The following CERS4 variants were observed in gnomAD, a reference collection of about 807,000 sequenced individuals.
CERS4 encodes the protein LAG1 homolog, ceramide synthase 4.
CERS4 carries 65 observed loss-of-function variants against 51.8 expected under a neutral mutation model. That is an observed-to-expected ratio of 1.26 (90% CI 1.03 to 1.54). The LOEUF (loss-of-function observed/expected upper bound fraction) is 1.54, where lower values mean the gene tolerates loss of function less well. Among genes scored for constraint, CERS4 ranks in the 40% most tolerant of loss-of-function variants. The probability of loss-of-function intolerance (pLI) is 0.00; values close to 1 mark genes in which losing one functional copy is unlikely to be tolerated. For missense variants in CERS4, 563 were observed against 500.4 expected (o/e 1.13, Z -1.19); for synonymous variants, 228 against 208.4 (o/e 1.09, Z -0.81).
At position 8,261,946 on chromosome 19, in the gene CERS4, G is replaced by A. The variant is rs745502911; in HGVS notation, c.1022G>A (p.Arg341His). 6.8e-6 allele frequency: 11 copies of A among 1,608,108 alleles called. No individual in the cohort carries two copies. The highest frequency in any genetic ancestry group is 1.1e-5 in the South Asian group (1 of 90,576). The change falls in exon 12 of 12, where the codon CGT (arginine) becomes CAT (histidine). Residue 341 changes from arginine to histidine, a missense_variant. Coordinates refer to ENST00000251363, the MANE Select transcript of CERS4 (RefSeq NM_024552.3). ...GTTCCCCAGATGGAGAAGGACATTC[G>A]TAGTGATGTAGAAGAATCAGACTCC... ...MKKGQMEKDIRSDVEESDSSE... is the reference protein window; with the variant it reads ...MKKGQMEKDIHSDVEESDSSE...
Position 8,254,759 on chromosome 19 carries a change from C to T in CERS4, c.291+143C>T, listed in dbSNP as rs1969284265. 1.0e-5 allele frequency: 7 copies of T among 703,008 alleles called. No homozygotes were observed. In the East Asian group the frequency reaches 1.1e-4, roughly 11 times the overall value. The allele number at this position is 703,008 out of a possible 1,614,324, so 43.5% of individuals were successfully genotyped here. Reference sequence around the variant, plus strand: ...ATGCCCCTACTTTCCACTCTTCATCCTCAATTCCCTGGGAAAGGGCTCTAC... The same window carrying T: ...ATGCCCCTACTTTCCACTCTTCATCTTCAATTCCCTGGGAAAGGGCTCTAC... On this transcript the variant is annotated intron_variant, in intron 4 of 11. Transcript: ENST00000251363.
intron 2 of CERS4, among the ~76,000 whole-genome samples, chr19:8,211,847 G>A (rs1306845808): frequency 6.8e-5 from 10 of 146,772 alleles, no homozygotes; most frequent in South Asian, 2.2e-4. Context: ...AGCCGAGATC[G>A]CGCCACTGCA....
intron 4 of CERS4, 76 bp downstream of exon 4, chr19:8,254,692 G>A (rs1969279921): frequency 1.5e-6 from 2 of 1,356,062 alleles, no homozygotes; most frequent in Admixed American, 2.0e-5. Flanking sequence ...TGGCCCATTT[G>A]TTGGGGCAGG....
intron 2 of CERS4, among the ~76,000 whole-genome samples, chr19:8,248,296 C>G (rs1599570032): frequency 6.6e-6 from 1 of 152,148 alleles, no homozygotes; most frequent in African/African-American, 2.4e-5. Context: ...TGGAGAATAT[C>G]TCTTGCCTGG....
chr19:8,218,955 C>T (rs942592953), intron 2 of CERS4, among the ~76,000 whole-genome samples: 2 of 152,116 alleles, frequency 1.3e-5, no homozygotes, highest in East Asian at 3.9e-4. Context: ...GCCTGTAATC[C>T]CAGCACTTTG....
intron 2 of CERS4, among the ~76,000 whole-genome samples, chr19:8,232,431 C>G (rs1968051466): frequency 6.6e-6 from 1 of 152,040 alleles, no homozygotes; most frequent in South Asian, 2.1e-4. Flanking sequence ...GCTGGGATTA[C>G]AGGCACGTGC....
At chr19:8,239,147 A>C (rs1188435239) in intron 2 of CERS4, among the ~76,000 whole-genome samples, 6 of 151,886 alleles carry the variant, frequency 4.0e-5, no homozygotes, top group Non-Finnish European at 8.8e-5. Context: ...CACACCTGTA[A>C]TCCCAGCACT....
chr19:8,257,834 C>T (rs943740237), intron 9 of CERS4, 45 bp from the exon 10 acceptor site: 2 of 1,487,718 alleles, frequency 1.3e-6, no homozygotes, highest in East Asian at 2.3e-5. Context: ...TCTTTGAGAC[C>T]AGGGCCCTGG....
In CERS4 at chr19:8,251,180, A is replaced by C. The variant is rs1599576993; in HGVS notation, c.104A>C (p.His35Pro). ...LEDRDGRVYP[H>P]PQDLLAALPL... ...GACCGGGATGGCCGTGTCTACCCCC[A>C]CCCCCAGGACTTGTTGGCAGCCCTG... The change falls in exon 3 of 12, where the codon CAC (histidine) becomes CCC (proline). Residue 35 changes from histidine (H) to proline (P), a missense_variant. By Grantham distance (77) the His-to-Pro change is moderately conservative. Coordinates refer to ENST00000251363, the MANE Select transcript of CERS4 (RefSeq NM_024552.3). 3 of 1,611,498 alleles carry C rather than the reference A, an allele frequency of 1.9e-6. No individual in the cohort carries two copies. The highest frequency in any genetic ancestry group is 1.3e-5 in the African/African-American group (1 of 74,430).
intron 3 of CERS4, among the ~76,000 whole-genome samples, chr19:8,253,902 G>A (rs905315049): frequency 3.3e-5 from 5 of 152,010 alleles, no homozygotes; most frequent in African/African-American, 9.7e-5. Flanking sequence ...TTGGTCTAAC[G>A]CAGCAGCCAG....
At chr19:8,211,576 C>T (rs1233743807) in intron 2 of CERS4, among the ~76,000 whole-genome samples, 1 of 152,136 alleles carries the variant, frequency 6.6e-6, no homozygotes, top group Non-Finnish European at 1.5e-5. Flanking sequence ...ACGAGAATAT[C>T]ACAGAGCTGG....
chr19:8,213,692 G>A (rs982886828), intron 2 of CERS4, among the ~76,000 whole-genome samples: 3 of 152,042 alleles, frequency 2.0e-5, no homozygotes, highest in East Asian at 1.9e-4. Flanking sequence ...GAGGCCCGGC[G>A]CGGTGGCTCA....
chr19:8,231,441 T>C (rs1275844968), intron 2 of CERS4, among the ~76,000 whole-genome samples: 2 of 152,190 alleles, frequency 1.3e-5, no homozygotes, highest in Non-Finnish European at 2.9e-5. Context: ...TCTGTTAGCC[T>C]CAGCAAGGCT....
rs377079295 is a variant in CERS4 at position 8,247,733 on chromosome 19, T to TC, written c.-1-3343_-1-3342insC. Reference sequence around the variant, plus strand: ...CTTTGCCTGGCCTGACCTCCGCATCTTTTTTTTTTTTTTTTTTTAAGATGG... The same window carrying TC: ...CTTTGCCTGGCCTGACCTCCGCATCTCTTTTTTTTTTTTTTTTTTAAGATGG... On this transcript the variant is annotated intron_variant, in intron 2 of 11. Transcript: ENST00000251363. Among the ~76,000 whole-genome samples the TC allele has an allele frequency of 2.7e-3, 68 of 25,252 alleles. 1 individual carries two copies. The highest frequency in any genetic ancestry group is 0.011 in the East Asian group (8 of 746). 16.6% of individuals were successfully genotyped at this position (25,252 alleles called of 152,430 possible). A position where few individuals can be genotyped will look rare whatever the true frequency, so the allele number is the denominator to read the frequency against.
chr19:8,262,088 C>T lies in CERS4; in HGVS notation c.1164C>T (p.Asn388=). The T allele has an allele frequency of 1.3e-6, 2 of 1,509,990 alleles. No homozygotes were observed. Among genetic ancestry groups the T allele is most frequent in the East Asian group, 2.3e-5 (1 of 43,614 alleles). The allele number at this position is 1,509,990 out of a possible 1,614,324, so 93.5% of individuals were successfully genotyped here. A position where few individuals can be genotyped will look rare whatever the true frequency, so the allele number is the denominator to read the frequency against. Residue 388 remains asparagine, a synonymous_variant, in exon 12 of 12, where the codon AAC becomes AAT. Transcript: ENST00000251363. ...PRSRVAGRLT[N]RHTTAT is the part of the protein sequence containing the mutation. ...GCCGGGTGGCCGGGCGTCTGACCAA[C>T]AGGCACACAACAGCCACATAGCCGG... is the stretch of plus-strand genomic sequence containing the variant.
At chr19:8,235,947 G>A (rs1242428064) in intron 2 of CERS4, among the ~76,000 whole-genome samples, 1 of 152,134 alleles carries the variant, frequency 6.6e-6, no homozygotes, top group Non-Finnish European at 1.5e-5. Flanking sequence ...TGTAATCCCA[G>A]CACTTTGGGA....
At chr19:8,233,453 C>T (rs906568394) in intron 2 of CERS4, among the ~76,000 whole-genome samples, 1 of 152,056 alleles carries the variant, frequency 6.6e-6, no homozygotes, top group Non-Finnish European at 1.5e-5. Context: ...AGGTGTGAGC[C>T]ACCGTGCCTG....
At chr19:8,227,568 C>A (rs886132940) in intron 2 of CERS4, among the ~76,000 whole-genome samples, 1 of 151,396 alleles carries the variant, frequency 6.6e-6, no homozygotes, top group African/African-American at 2.4e-5. Flanking sequence ...TCTCGAACTC[C>A]TGATCGCAAA....
At position 8,256,834 on chromosome 19, in the gene CERS4, G is replaced by A. The variant is rs1329878438; in HGVS notation, c.613-115G>A. 5.0e-6 allele frequency: 8 copies of A among 1,584,998 alleles called. No individual in the cohort carries two copies. The East Asian group carries it at 1.6e-4, about 31-fold the overall frequency. ...GGTGCCTCCTGCAGGAGATATAGAGGCCATGGGCCCAGAGGCCACACCAAC... is the reference window on the plus strand; with the variant it reads ...GGTGCCTCCTGCAGGAGATATAGAGACCATGGGCCCAGAGGCCACACCAAC... On this transcript the variant is annotated intron_variant, in intron 8 of 11. Coordinates refer to ENST00000251363, the MANE Select transcript of CERS4 (RefSeq NM_024552.3).
Sources: gnomAD v4.1 joint callset for allele counts (sites outside exome capture counted in the v4.1 genomes callset) on GRCh38, gnomAD v4.1.1 for gene constraint, MANE v1.5 for transcripts, NCBI Gene and HGNC (gene_info 2026-07-23, HGNC 2026-07-21) for gene names.